CERS6: variants seen among roughly 807,000 people sequenced by gnomAD.
CERS6 encodes the protein ceramide synthase 6.
CERS6 carries 26 observed loss-of-function variants against 56.8 expected under a neutral mutation model. The observed-to-expected ratio is 0.46, with a 90% CI of 0.34 to 0.63. The LOEUF (loss-of-function observed/expected upper bound fraction) is 0.63, where lower values mean the gene tolerates loss of function less well. Ranked by LOEUF, CERS6 falls within the 30% of genes least tolerant of loss-of-function variation. The probability of loss-of-function intolerance (pLI) is 0.01; values close to 1 mark genes in which losing one functional copy is unlikely to be tolerated. For missense variants in CERS6, 415 were observed against 467.5 expected (o/e 0.89, Z 1.04); for synonymous variants, 164 against 173.3 (o/e 0.95, Z 0.42).
chr2:168,719,898 T>C (rs1391681394), intron 8 of CERS6, among the ~76,000 whole-genome samples: 6 of 152,064 alleles, frequency 3.9e-5, no homozygotes, highest in Non-Finnish European at 8.8e-5. Flanking sequence ...AAAGGTGATA[T>C]CCATTTAAAT....
Position 168,774,941 on chromosome 2 carries a change from C to T in CERS6, c.*5279C>T, listed in dbSNP as rs1469767847. ...CTTGTTTTCTTAAGACAATTCAGTG[C>T]TTGAGCATCTCTGTCAGAAATGGAA... On this transcript the variant is annotated 3_prime_UTR_variant, in exon 10 of 10. Transcript: ENST00000305747. 7 of 152,168 alleles carry T rather than the reference C, an allele frequency of 4.6e-5. No individual in the cohort carries two copies. The highest frequency in any genetic ancestry group is 1.5e-5 in the Non-Finnish European group (1 of 68,034). 9.4% of individuals were successfully genotyped at this position (152,168 alleles called of 1,614,324 possible).
intron 4 of CERS6, among the ~76,000 whole-genome samples, chr2:168,673,314 A>G (rs953321225): frequency 2.0e-5 from 3 of 152,202 alleles, no homozygotes; most frequent in East Asian, 1.9e-4. Flanking sequence ...TATTGTCCTG[A>G]TTACGAATAA....
intron 8 of CERS6, among the ~76,000 whole-genome samples, chr2:168,761,003 C>T (rs61584664): frequency 0.05 from 7,650 of 152,142 alleles, 641 homozygotes; most frequent in African/African-American, 0.17. Flanking sequence ...GTGATCCGCC[C>T]GCCTCGGCCT....
intron 1 of CERS6, among the ~76,000 whole-genome samples, chr2:168,467,367 C>G (rs982461223): frequency 2.0e-5 from 3 of 152,150 alleles, no homozygotes; most frequent in African/African-American, 7.2e-5. Context: ...TGAAGAAAAA[C>G]TGAGAATGAA....
At chr2:168,651,518 T>C (rs888068256) in intron 4 of CERS6, among the ~76,000 whole-genome samples, 1 of 152,222 alleles carries the variant, frequency 6.6e-6, no homozygotes, top group Admixed American at 6.5e-5. Context: ...AGAGGTTTAA[T>C]TGACTCACAG....
intron 6 of CERS6, among the ~76,000 whole-genome samples, chr2:168,705,376 A>G (rs562996416): frequency 5.3e-5 from 8 of 152,300 alleles, no homozygotes; most frequent in African/African-American, 1.9e-4. Context: ...AAGAAAAAAA[A>G]ACAAAAACAA....
intron 6 of CERS6, among the ~76,000 whole-genome samples, chr2:168,708,619 G>C (rs536092821): frequency 6.6e-6 from 1 of 152,152 alleles, no homozygotes; most frequent in South Asian, 2.1e-4. Flanking sequence ...ATTCATATTA[G>C]TTAGATTACA....
At chr2:168,738,967 C>T (rs540133475) in intron 8 of CERS6, among the ~76,000 whole-genome samples, 2 of 151,866 alleles carry the variant, frequency 1.3e-5, no homozygotes, top group Admixed American at 1.3e-4. Context: ...CTAACTGCAA[C>T]CTCCACCTCC....
rs535525467 is a variant in CERS6, at chr2:168,567,983, C to G, written c.407+6661C>G. Among the ~76,000 whole-genome samples, 5 of 152,340 alleles carry G rather than the reference C, an allele frequency of 3.3e-5. No individual in the cohort carries two copies. In the South Asian group the frequency reaches 1.0e-3, roughly 32 times the overall value. On this transcript the variant is annotated intron_variant, in intron 3 of 9. Coordinates refer to ENST00000305747, the MANE Select transcript of CERS6 (RefSeq NM_203463.3). ...TAAGCCTTTGAAACCTTGTCCCCCTCGTTCTATTCTAGACCTACCATCTGT... is the reference window on the plus strand; with the variant it reads ...TAAGCCTTTGAAACCTTGTCCCCCTGGTTCTATTCTAGACCTACCATCTGT...
chr2:168,571,318 A>G (rs1695982460), intron 3 of CERS6, among the ~76,000 whole-genome samples: 1 of 152,048 alleles, frequency 6.6e-6, no homozygotes, highest in African/African-American at 2.4e-5. Context: ...TGGTAACCAC[A>G]TCCTGGCAAG....
At chr2:168,498,851 A>C (rs1027898158) in intron 1 of CERS6, among the ~76,000 whole-genome samples, 2 of 152,162 alleles carry the variant, frequency 1.3e-5, no homozygotes, top group African/African-American at 4.8e-5. Flanking sequence ...TTTAGCCCGT[A>C]GGGAGGGAAG....
At chr2:168,736,551 G>A (rs941752687) in intron 8 of CERS6, among the ~76,000 whole-genome samples, 6 of 151,990 alleles carry the variant, frequency 3.9e-5, no homozygotes, top group African/African-American at 9.7e-5. Flanking sequence ...GCCTGGTCTC[G>A]GATTCCTGGC....
intron 3 of CERS6, among the ~76,000 whole-genome samples, chr2:168,588,412 C>T (rs539077473): frequency 6.6e-6 from 1 of 151,296 alleles, no homozygotes; most frequent in South Asian, 2.1e-4. Context: ...CTTAATTTCC[C>T]ATTTTTTCCC....
chr2:168,525,041 G>A (rs1695046344), intron 1 of CERS6, among the ~76,000 whole-genome samples: 1 of 152,120 alleles, frequency 6.6e-6, no homozygotes, highest in Non-Finnish European at 1.5e-5. Flanking sequence ...TGGTAGGAAA[G>A]GCTCAGTTGG....
chr2:168,672,557 A>G (rs1685948487), intron 4 of CERS6, among the ~76,000 whole-genome samples: 3 of 152,378 alleles, frequency 2.0e-5, no homozygotes, highest in South Asian at 4.1e-4. Context: ...TAGGTTGGTC[A>G]GTGGTAGACT....
At chr2:168,650,608 CTATT>C (rs1287273680) in intron 4 of CERS6, among the ~76,000 whole-genome samples, 1 of 152,066 alleles carries the variant, frequency 6.6e-6, no homozygotes. Context: ...CCCCCTTTGT[CTATT>C]TATTACACTC....
intron 9 of CERS6, among the ~76,000 whole-genome samples, chr2:168,768,928 G>GAAAAAA (rs370783029): frequency 7.7e-6 from 1 of 130,262 alleles, no homozygotes. Flanking sequence ...AAAAAGAAAA[G>GAAAAAA]AAAAAAAAAA....
chr2:168,543,315 G>A (rs1384378208), intron 1 of CERS6, among the ~76,000 whole-genome samples: 2 of 152,060 alleles, frequency 1.3e-5, no homozygotes, highest in Admixed American at 6.5e-5. Context: ...AACCATCAAA[G>A]CTTGAAAGCA....
At chr2:168,704,156 C>G (rs751854822) in intron 6 of CERS6, among the ~76,000 whole-genome samples, 8 of 152,196 alleles carry the variant, frequency 5.3e-5, no homozygotes, top group Non-Finnish European at 1.2e-4. Flanking sequence ...ATCTCATGGT[C>G]AGATAACCAG....
Sources: allele counts gnomAD v4.1 joint callset (sites outside exome capture counted in the v4.1 genomes callset), GRCh38; gene constraint gnomAD v4.1.1; transcripts MANE v1.5; gene names NCBI Gene and HGNC (gene_info 2026-07-23, HGNC 2026-07-21).